Variants in RXFP1 observed in about 807,000 individuals in gnomAD.
RXFP1 encodes relaxin receptor 1.
A neutral mutation model predicts 89.8 loss-of-function variants in RXFP1; 73 were observed. That is an observed-to-expected ratio of 0.81 (90% CI 0.67 to 0.99). RXFP1 has a LOEUF of 0.99. Among genes scored for constraint, RXFP1 ranks in the 50% least tolerant of loss-of-function variants. RXFP1 has a pLI of 0.00. For synonymous variants in RXFP1, 277 were observed against 305.5 expected, an observed-to-expected ratio of 0.91 and a Z score of 0.97; for missense variants, 793 against 895.5, an observed-to-expected ratio of 0.89 and a Z score of 1.46.
intron 11 of RXFP1, among the ~76,000 whole-genome samples, chr4:158,632,976 C>A (rs1768392451): frequency 6.6e-6 from 1 of 152,080 alleles, no homozygotes; most frequent in Non-Finnish European, 1.5e-5. Context: ...TCGAGACCAA[C>A]CTGGCCAACA....
intron 1 of RXFP1, among the ~76,000 whole-genome samples, chr4:158,567,663 C>CA (rs1248543115): frequency 6.6e-6 from 1 of 152,022 alleles, no homozygotes; most frequent in African/African-American, 2.4e-5. Flanking sequence ...GTAAATACAC[C>CA]AATTGGTACT....
chr4:158,629,906 T>G (rs1767701381), intron 11 of RXFP1, among the ~76,000 whole-genome samples: 2 of 152,152 alleles, frequency 1.3e-5, no homozygotes, highest in African/African-American at 4.8e-5. Context: ...ATTACAGACT[T>G]GAGCCACTGT....
Position 158,648,557 on chromosome 4 carries a change from TG to T in RXFP1, c.1816del (p.Val606PhefsTer6). 1 of 1,613,164 alleles carries T rather than the reference TG, an allele frequency of 6.2e-7. No homozygotes were observed. The highest frequency in any genetic ancestry group is 8.5e-7 in the Non-Finnish European group (1 of 1,179,522). Reference sequence around the variant, plus strand: ...TTTCCTATGGAAGCATGTTTTATAGTGTTCATCAAAGTGCCATAACAGCAAC... The same window carrying T: ...TTTCCTATGGAAGCATGTTTTATAGTTTCATCAAAGTGCCATAACAGCAAC... ...VFSYGSMFYS[V>X]HQSAITATEI... On this transcript the variant is annotated frameshift_variant, in exon 17 of 18. Transcript: ENST00000307765. LOFTEE classifies it high-confidence loss of function.
intron 6 of RXFP1, among the ~76,000 whole-genome samples, chr4:158,608,646 A>G (rs1762987708): frequency 6.6e-6 from 1 of 152,200 alleles, no homozygotes; most frequent in African/African-American, 2.4e-5. Context: ...TCACCATTTA[A>G]CTGTTTTTAA....
chr4:158,594,595 G>A (rs1293940136), intron 3 of RXFP1, among the ~76,000 whole-genome samples: 1 of 151,978 alleles, frequency 6.6e-6, no homozygotes, highest in Non-Finnish European at 1.5e-5. Flanking sequence ...CTATATAGGA[G>A]GCTATAGATA....
At chr4:158,529,773 T>C (rs925486770) in intron 1 of RXFP1, among the ~76,000 whole-genome samples, 3 of 152,210 alleles carry the variant, frequency 2.0e-5, no homozygotes, top group Admixed American at 2.0e-4. Flanking sequence ...TATTCCTTAG[T>C]CTCACCACAC....
chr4:158,557,034 A>G (rs903149826), intron 1 of RXFP1, among the ~76,000 whole-genome samples: 1 of 152,204 alleles, frequency 6.6e-6, no homozygotes, highest in Non-Finnish European at 1.5e-5. Flanking sequence ...TATGGTTAAC[A>G]GTAAATTATT....
At chr4:158,587,032 A>C (rs2150047486) in intron 2 of RXFP1, among the ~76,000 whole-genome samples, 1 of 152,358 alleles carries the variant, frequency 6.6e-6, no homozygotes, top group Middle Eastern at 3.4e-3. Context: ...ATTTCCTAGC[A>C]GCAGTGAAAC....
At chr4:158,638,206 A>ACC (rs1561185040) in intron 13 of RXFP1, 127 bp downstream of exon 13, 20 of 561,908 alleles carry the variant, frequency 3.6e-5, no homozygotes, top group Non-Finnish European at 6.3e-5. Context: ...GCTCCACAAA[A>ACC]ACATATGGGT....
intron 9 of RXFP1, among the ~76,000 whole-genome samples, chr4:158,621,010 C>T (rs1765525891): frequency 6.6e-6 from 1 of 151,874 alleles, no homozygotes; most frequent in African/African-American, 2.4e-5. Flanking sequence ...TGGTGGTGGG[C>T]ACTTGTAATC....
At chr4:158,539,132 G>A (rs1033591230) in intron 1 of RXFP1, among the ~76,000 whole-genome samples, 7 of 152,306 alleles carry the variant, frequency 4.6e-5, no homozygotes, top group Middle Eastern at 3.4e-3. Flanking sequence ...GACAGAAAGA[G>A]GAAGTTAGGC....
At chr4:158,571,540 T>C (rs1755062601) in intron 1 of RXFP1, among the ~76,000 whole-genome samples, 2 of 152,118 alleles carry the variant, frequency 1.3e-5, no homozygotes, top group African/African-American at 4.8e-5. Flanking sequence ...TGCATGCCTG[T>C]AATCTCAGCT....
chr4:158,563,691 T>A (rs1752958650), intron 1 of RXFP1, among the ~76,000 whole-genome samples: 1 of 151,994 alleles, frequency 6.6e-6, no homozygotes, highest in South Asian at 2.1e-4. Context: ...ACTATAAGTA[T>A]TCTACAACTT....
chr4:158,610,047 C>T (rs1056161655), intron 6 of RXFP1, among the ~76,000 whole-genome samples: 1 of 152,052 alleles, frequency 6.6e-6, no homozygotes, highest in Non-Finnish European at 1.5e-5. Context: ...GGAAGGATCA[C>T]GAGGTCAGGA....
chr4:158,577,305 G>T (rs1756457164), intron 2 of RXFP1, among the ~76,000 whole-genome samples: 2 of 152,094 alleles, frequency 1.3e-5, no homozygotes, highest in South Asian at 4.1e-4. Flanking sequence ...CTAAAGTGCT[G>T]GGATTACAGG....
At chr4:158,549,447 A>G (rs1251957918) in intron 1 of RXFP1, among the ~76,000 whole-genome samples, 7 of 152,138 alleles carry the variant, frequency 4.6e-5, no homozygotes, top group Admixed American at 4.6e-4. Context: ...TTCTTCTCTC[A>G]GCTCGTCAAA....
At chr4:158,626,964 T>A (rs1350255534) in intron 10 of RXFP1, 73 bp downstream of exon 10, 1 of 736,000 alleles carries the variant, frequency 1.4e-6, no homozygotes, top group Non-Finnish European at 2.1e-6. Context: ...ACCCATTTTA[T>A]GGAAAAAAAA....
rs1763693864 is a variant in RXFP1, at chr4:158,612,128, A to G, written c.537-2A>G. The G allele has an allele frequency of 6.3e-7, 1 of 1,594,400 alleles. No individual in the cohort carries two copies. The highest frequency in any genetic ancestry group is 1.7e-4 in the Middle Eastern group (1 of 5,876). On this transcript the variant is annotated splice_acceptor_variant, in intron 6 of 17. Transcript: ENST00000307765. LOFTEE classifies it high-confidence loss of function. The stretch of plus-strand genomic sequence containing the variant: ...TTATTGTAGTTATTTCTCCTTTTCC[A>G]GGTATCTCAGTCATAACAGAATAAC...
chr4:158,543,943 T>C, intron 1 of RXFP1: 1 of 985,446 alleles, frequency 1.0e-6, no homozygotes, highest in Non-Finnish European at 1.2e-6. Context: ...TATCTGCCTC[T>C]GAGGATTCTT....
Sources: gnomAD v4.1 joint callset for allele counts (sites outside exome capture counted in the v4.1 genomes callset) on GRCh38, gnomAD v4.1.1 for gene constraint, MANE v1.5 for transcripts, NCBI Gene and HGNC (gene_info 2026-07-23, HGNC 2026-07-21) for gene names.